NTAQ1: variants seen among roughly 807,000 people sequenced by gnomAD.
NTAQ1 encodes the protein N-terminal glutamine amidase 1.
NTAQ1 carries 21 observed loss-of-function variants against 28.2 expected under a neutral mutation model. The ratio of observed to expected loss-of-function variants is 0.74; its 90% CI spans 0.53 to 1.07. The LOEUF is 1.07. NTAQ1 is among the 50% of genes least tolerant of loss of function. The probability of loss-of-function intolerance (pLI) is 0.00; values close to 1 mark genes in which losing one functional copy is unlikely to be tolerated. For missense variants in NTAQ1, 264 were observed against 256.6 expected, an observed-to-expected ratio of 1.03 and a Z score of -0.20; for synonymous variants, 105 against 90.0, an observed-to-expected ratio of 1.17 and a Z score of -0.94.
At chr8:123,458,832 G>A (rs1815733055) in intron 6 of NTAQ1, among the ~76,000 whole-genome samples, 1 of 151,992 alleles carries the variant, frequency 6.6e-6, no homozygotes, top group Non-Finnish European at 1.5e-5. Flanking sequence ...GTGATAGCTA[G>A]GATGGTCTCG....
downstream of NTAQ1, among the ~76,000 whole-genome samples, chr8:123,450,059 T>A (rs546100880): frequency 6.8e-6 from 1 of 146,954 alleles, no homozygotes; most frequent in African/African-American, 2.5e-5. Context: ...AGATGACATT[T>A]AAAGATACAG....
downstream of NTAQ1, among the ~76,000 whole-genome samples, chr8:123,448,544 G>A (rs951124919): frequency 3.3e-5 from 5 of 152,174 alleles, no homozygotes; most frequent in African/African-American, 4.8e-5. Flanking sequence ...GCTTGAACCC[G>A]GGAGGTGGAG....
chr8:123,458,411 A>C (rs1238601465), intron 6 of NTAQ1, among the ~76,000 whole-genome samples: 2 of 151,936 alleles, frequency 1.3e-5, no homozygotes, highest in African/African-American at 4.8e-5. Flanking sequence ...GGCTGCTGTG[A>C]GTGAAAGTGA....
chr8:123,463,250 A>C (rs1196082722), intron 6 of NTAQ1, among the ~76,000 whole-genome samples: 1 of 152,212 alleles, frequency 6.6e-6, no homozygotes, highest in Admixed American at 6.5e-5. Context: ...CGTCTAAGAA[A>C]CTTAACATTG....
intron 2 of NTAQ1, 55 bp downstream of exon 2, chr8:123,428,078 A>G: frequency 8.0e-7 from 1 of 1,253,944 alleles, no homozygotes; most frequent in Non-Finnish European, 1.1e-6. Flanking sequence ...TGACATTAGA[A>G]GCTAAATTAA....
intron 5 of NTAQ1, among the ~76,000 whole-genome samples, chr8:123,440,502 C>CT (rs554416057): frequency 0.36 from 44,546 of 123,798 alleles, 7,735 homozygotes; most frequent in East Asian, 0.58. Flanking sequence ...TTCCTTTCTT[C>CT]TTTTTTTTTT....
intron 1 of NTAQ1, among the ~76,000 whole-genome samples, chr8:123,423,870 TTTA>T (rs71310681): frequency 5.3e-5 from 8 of 149,534 alleles, no homozygotes; most frequent in East Asian, 2.0e-4. Flanking sequence ...CTTTGTAGTT[TTTA>T]TTATTATTAT....
At position 123,436,593 on chromosome 8, in the gene NTAQ1, G is replaced by T; in HGVS notation, c.375G>T (p.Gln125His). 6.2e-7 allele frequency: 1 copy of T among 1,613,230 alleles called. No homozygotes were observed. The highest frequency in any genetic ancestry group is 8.5e-7 in the Non-Finnish European group (1 of 1,179,762). Reference protein sequence around the residue: ...AFKSDDDIHPQFRRKFRVIRA... With the variant: ...AFKSDDDIHPHFRRKFRVIRA... The stretch of plus-strand genomic sequence containing the variant: ...AGTCTGATGATGACATTCACCCACA[G>T]TTTAGGAGGTGAGGACATTCAAGAT... The change falls in exon 4 of 6, where the codon CAG becomes CAT. Residue 125 changes from glutamine (Q) to histidine (H), a missense_variant. Gln to His is a conservative substitution (Grantham distance 24, BLOSUM62 0). Coordinates refer to ENST00000287387, the MANE Select transcript of NTAQ1 (RefSeq NM_018024.3).
downstream of NTAQ1, among the ~76,000 whole-genome samples, chr8:123,474,463 A>G (rs1417952965): frequency 1.3e-5 from 2 of 152,350 alleles, no homozygotes; most frequent in East Asian, 3.9e-4. Context: ...CTCATACACC[A>G]TATCCAGAAG....
At chr8:123,435,192 T>G (rs1480661147) in intron 3 of NTAQ1, among the ~76,000 whole-genome samples, 1 of 152,178 alleles carries the variant, frequency 6.6e-6, no homozygotes, top group Non-Finnish European at 1.5e-5. Flanking sequence ...TCATGTCCCT[T>G]GATCACCTCC....
rs573048638 is a variant in NTAQ1, at chr8:123,457,525, G to A, written c.373-9554G>A. The stretch of plus-strand genomic sequence containing the variant: ...TATGTAATACAATTAAATTTAAAGA[G>A]CAAGTGGAAATCTGTACTAAAAGAT... On this transcript the variant is annotated intron_variant, in intron 6 of 6. Transcript: ENST00000650311. 6.6e-5 allele frequency among the ~76,000 whole-genome samples: 10 copies of A among 152,182 alleles called. No individual in the cohort carries two copies. In the South Asian group the frequency reaches 1.7e-3, roughly 25 times the overall value.
chr8:123,440,282 A>G (rs1216584491), intron 5 of NTAQ1, among the ~76,000 whole-genome samples: 6 of 147,882 alleles, frequency 4.1e-5, no homozygotes, highest in African/African-American at 1.3e-4. Context: ...CAGCCTCCCA[A>G]GTAGCTTGGA....
chr8:123,470,509 G>T (rs1464173415), downstream of NTAQ1, among the ~76,000 whole-genome samples: 5 of 152,234 alleles, frequency 3.3e-5, no homozygotes, highest in African/African-American at 1.2e-4. Flanking sequence ...GAGTGTGTAA[G>T]TGGAGAATAA....
intron 3 of NTAQ1, among the ~76,000 whole-genome samples, chr8:123,431,305 C>G (rs1267156651): frequency 1.4e-5 from 2 of 146,222 alleles, no homozygotes; most frequent in Non-Finnish European, 3.0e-5. Context: ...CCATTGCATT[C>G]CAGCCTGGGC....
chr8:123,418,767 G>T (rs558969229), intron 1 of NTAQ1, among the ~76,000 whole-genome samples: 37 of 152,156 alleles, frequency 2.4e-4, no homozygotes, highest in Non-Finnish European at 5.3e-4. Flanking sequence ...TCTTGTAGAA[G>T]AATGGTAAGA....
downstream of NTAQ1, among the ~76,000 whole-genome samples, chr8:123,442,466 C>T (rs901379744): frequency 2.9e-4 from 44 of 151,338 alleles, no homozygotes; most frequent in Admixed American, 1.1e-3. Context: ...GGTGTGGTGG[C>T]GGGCGCCTGT....
At chr8:123,443,797 T>G (rs1387531087), downstream of NTAQ1, among the ~76,000 whole-genome samples, 1 of 152,150 alleles carries the variant, frequency 6.6e-6, no homozygotes, top group Non-Finnish European at 1.5e-5. Context: ...GGTCTTGAAC[T>G]CCGGGACTCA....
At chr8:123,436,807 C>T (rs1255871773) in intron 4 of NTAQ1, among the ~76,000 whole-genome samples, 2 of 151,916 alleles carry the variant, frequency 1.3e-5, no homozygotes, top group African/African-American at 4.8e-5. Context: ...GAAAGGTTGT[C>T]ATTCTTTTAA....
In NTAQ1 at chr8:123,441,337, T is replaced by G. The variant is rs1240813277; in HGVS notation, c.540T>G (p.Ser180Arg). Residue 180 changes from serine to arginine, a missense_variant, in exon 6 of 6, where the codon AGT becomes AGG. Transcript: ENST00000287387. ...AAATGAACCTGAACGATTTCATCAG[T>G]ATGGATCCCAAGGTAGGATGGGGCG... is the stretch of plus-strand genomic sequence containing the variant. ...DSKMNLNDFI[S>R]MDPKVGWGAV... is the part of the protein sequence containing the mutation. The G allele has an allele frequency of 3.1e-6, 5 of 1,612,212 alleles. No homozygotes were observed. Among genetic ancestry groups the G allele is most frequent in the Non-Finnish European group, 4.2e-6 (5 of 1,178,908 alleles).
Sources: allele counts gnomAD v4.1 joint callset (sites outside exome capture counted in the v4.1 genomes callset), GRCh38; gene constraint gnomAD v4.1.1; transcripts MANE v1.5; gene names NCBI Gene and HGNC (gene_info 2026-07-23, HGNC 2026-07-21).